SLC25A21: variants seen among roughly 807,000 people sequenced by gnomAD.
The protein encoded by SLC25A21 is solute carrier family 25 member 21.
SLC25A21 carries 47 observed loss-of-function variants against 43.8 expected under a neutral mutation model. The ratio of observed to expected loss-of-function variants is 1.07; its 90% confidence interval spans 0.85 to 1.37. The LOEUF (loss-of-function observed/expected upper bound fraction) is 1.37. SLC25A21 is among the 40% of genes most tolerant of loss of function. The pLI, the probability that SLC25A21 is intolerant of heterozygous loss-of-function variation, is 0.00. For synonymous variants in SLC25A21, 131 were observed against 121.3 expected, an observed-to-expected ratio of 1.08 and a Z score of -0.52; for missense variants, 352 against 350.2, an observed-to-expected ratio of 1.00 and a Z score of -0.04.
intron 1 of SLC25A21, among the ~76,000 whole-genome samples, chr14:36,925,722 C>T (rs1326051953): frequency 6.6e-6 from 1 of 152,072 alleles, no homozygotes; most frequent in African/African-American, 2.4e-5. Context: ...TAGCACATGC[C>T]TATAATTCCA....
chr14:36,817,674 C>T (rs1189590540), intron 2 of SLC25A21, among the ~76,000 whole-genome samples: 1 of 152,166 alleles, frequency 6.6e-6, no homozygotes, highest in East Asian at 1.9e-4. Flanking sequence ...TGCACAATTG[C>T]ATGGCCCTGG....
chr14:36,830,265 T>C (rs1023468811), intron 2 of SLC25A21, among the ~76,000 whole-genome samples: 2 of 152,230 alleles, frequency 1.3e-5, no homozygotes, highest in African/African-American at 2.4e-5. Flanking sequence ...TTTACTGGCA[T>C]TAGTTCACAG....
At chr14:36,881,105 C>G (rs1034657337) in intron 1 of SLC25A21, among the ~76,000 whole-genome samples, 2 of 152,146 alleles carry the variant, frequency 1.3e-5, no homozygotes, top group Non-Finnish European at 2.9e-5. Context: ...GAAATGTTAC[C>G]TATGTTCTGC....
chr14:36,722,888 T>C (rs1884432363), intron 6 of SLC25A21, among the ~76,000 whole-genome samples: 1 of 152,232 alleles, frequency 6.6e-6, no homozygotes, highest in Non-Finnish European at 1.5e-5. Context: ...AATTCTTTTC[T>C]TCTTCCACTT....
chr14:37,085,871 C>T (rs138224643), intron 1 of SLC25A21, among the ~76,000 whole-genome samples: 3,974 of 152,182 alleles, frequency 0.026, 67 homozygotes, highest in Middle Eastern at 0.048. Flanking sequence ...TTTGGCAGGC[C>T]GAGGCAGGCA....
chr14:37,098,730 TAGATAGATAGATAGATAGACAGACAGAC>T (rs1199437536), intron 1 of SLC25A21, among the ~76,000 whole-genome samples: 99 of 10,424 alleles, frequency 9.5e-3, no homozygotes, highest in Middle Eastern at 0.036. Flanking sequence ...GATAGATAGA[TAGATAGATAGATAGATAGACAGACAGAC>T]AGACAGACAG....
intron 1 of SLC25A21, among the ~76,000 whole-genome samples, chr14:36,941,213 A>G (rs550072313): frequency 6.6e-6 from 1 of 152,230 alleles, no homozygotes; most frequent in South Asian, 2.1e-4. Flanking sequence ...ATCCCATAAT[A>G]TATCACAAAA....
intron 7 of SLC25A21, among the ~76,000 whole-genome samples, chr14:36,705,429 T>C (rs1027633170): frequency 1.3e-5 from 2 of 152,190 alleles, no homozygotes; most frequent in African/African-American, 4.8e-5. Context: ...AGGTGATCTA[T>C]TTTATGAGGT....
rs764302859 is a variant in SLC25A21 at position 36,711,293 on chromosome 14, G to C, written c.603+25C>G. 3.7e-6 allele frequency: 6 copies of C among 1,608,050 alleles called. No individual in the cohort carries two copies. The Admixed American group carries it at 6.7e-5, about 18-fold the overall frequency. ...CATCACTGATAGGATTTTTCCTCCAGGATTTTAATTTATTAAATAGTTACC... is the reference window on the plus strand; with the variant it reads ...CATCACTGATAGGATTTTTCCTCCACGATTTTAATTTATTAAATAGTTACC... On this transcript the variant is annotated intron_variant, in intron 7 of 9. Transcript: ENST00000331299.
intron 1 of SLC25A21, among the ~76,000 whole-genome samples, chr14:36,941,181 G>T (rs1196417197): frequency 1.3e-5 from 2 of 151,972 alleles, no homozygotes; most frequent in African/African-American, 4.8e-5. Flanking sequence ...CAATGCATGT[G>T]ATCAGGGACA....
chr14:36,949,169 C>T (rs1341996980), intron 1 of SLC25A21, among the ~76,000 whole-genome samples: 1 of 152,178 alleles, frequency 6.6e-6, no homozygotes, highest in Admixed American at 6.5e-5. Flanking sequence ...GAGATAATGA[C>T]TTGTCTCAGT....
chr14:36,977,573 C>A (rs1959906727), intron 1 of SLC25A21, among the ~76,000 whole-genome samples: 1 of 152,136 alleles, frequency 6.6e-6, no homozygotes, highest in African/African-American at 2.4e-5. Context: ...GGTTATAATT[C>A]TCTGTTACAG....
chr14:37,075,879 G>T (rs1000284106), intron 1 of SLC25A21, among the ~76,000 whole-genome samples: 1 of 152,128 alleles, frequency 6.6e-6, no homozygotes, highest in African/African-American at 2.4e-5. Flanking sequence ...ATTGGCTTAC[G>T]CCCTGAAAAT....
chr14:37,074,751 G>A (rs1409912984), intron 1 of SLC25A21, among the ~76,000 whole-genome samples: 1 of 152,088 alleles, frequency 6.6e-6, no homozygotes, highest in Non-Finnish European at 1.5e-5. Context: ...GAGAACTGCT[G>A]GAACCCGAGA....
intron 1 of SLC25A21, among the ~76,000 whole-genome samples, chr14:37,100,381 C>T (rs1280409516): frequency 1.3e-5 from 2 of 151,978 alleles, no homozygotes; most frequent in African/African-American, 2.4e-5. Context: ...GGAAGGCTTC[C>T]CTCTTTGCTG....
intron 1 of SLC25A21, among the ~76,000 whole-genome samples, chr14:37,083,412 C>T (rs1278045350): frequency 2.0e-5 from 3 of 152,136 alleles, no homozygotes; most frequent in Non-Finnish European, 2.9e-5. Context: ...TTCTCTTTAA[C>T]AACAATAACA....
At chr14:37,057,315 T>C (rs1961851607) in intron 1 of SLC25A21, among the ~76,000 whole-genome samples, 1 of 152,216 alleles carries the variant, frequency 6.6e-6, no homozygotes, top group Admixed American at 6.5e-5. Flanking sequence ...TCCAGGTGGG[T>C]CCTGAGTGCC....
intron 2 of SLC25A21, among the ~76,000 whole-genome samples, chr14:36,836,435 T>C (rs935579882): frequency 2.0e-5 from 3 of 152,260 alleles, no homozygotes; most frequent in East Asian, 3.8e-4. Flanking sequence ...TTCAAGGTTT[T>C]TCTTGTCAGC....
chr14:36,782,744 C>G (rs1044107263), intron 3 of SLC25A21, among the ~76,000 whole-genome samples: 1 of 139,712 alleles, frequency 7.2e-6, no homozygotes, highest in African/African-American at 2.7e-5. Context: ...TAGGTGGGAA[C>G]TGAACAATGA....
Sources: gnomAD v4.1 joint callset for allele counts (sites outside exome capture counted in the v4.1 genomes callset) on GRCh38, gnomAD v4.1.1 for gene constraint, MANE v1.5 for transcripts, NCBI Gene and HGNC (gene_info 2026-07-23, HGNC 2026-07-21) for gene names.